MADD: variants seen among roughly 807,000 people sequenced by gnomAD.
MADD encodes the protein MAP kinase activating death domain, also known as MAP kinase-activating death domain protein.
In MADD, 109 loss-of-function variants were observed where a neutral mutation model predicts 176.7. The ratio of observed to expected loss-of-function variants is 0.62; its 90% confidence interval spans 0.53 to 0.72. The LOEUF (loss-of-function observed/expected upper bound fraction) is 0.72. Among genes scored for constraint, MADD ranks in the 30% least tolerant of loss-of-function variants. The pLI is 0.00. For synonymous variants in MADD, 771 were observed against 771.3 expected (o/e 1.00, Z 0.01); for missense variants, 1,914 against 2,045.5 (o/e 0.94, Z 1.24).
intron 30 of MADD, among the ~76,000 whole-genome samples, chr11:47,326,096 G>C (rs1181838920): frequency 6.6e-6 from 1 of 151,794 alleles, no homozygotes; most frequent in Non-Finnish European, 1.5e-5. Flanking sequence ...ACGTTCATGG[G>C]CAAAGAAACT....
intron 22 of MADD, among the ~76,000 whole-genome samples, chr11:47,297,207 GA>G (rs1170138021): frequency 6.6e-6 from 1 of 152,168 alleles, no homozygotes; most frequent in East Asian, 1.9e-4. Context: ...GGGGAGAAAG[GA>G]AGATAAAAGT....
chr11:47,275,022 C>G, exon 3 of MADD: 1 of 1,614,272 alleles, frequency 6.2e-7, no homozygotes, highest in Non-Finnish European at 8.5e-7. Flanking sequence ...ACAGTACTCT[C>G]ACGTCCCTGT....
chr11:47,292,098 T>G (rs1338779299), intron 19 of MADD, among the ~76,000 whole-genome samples: 1 of 152,188 alleles, frequency 6.6e-6, no homozygotes, highest in Non-Finnish European at 1.5e-5. Context: ...TCTGGCTGCT[T>G]GAGGTGTTCA....
intron 27 of MADD, among the ~76,000 whole-genome samples, chr11:47,320,316 C>T (rs1490478396): frequency 6.6e-6 from 1 of 151,452 alleles, no homozygotes; most frequent in Non-Finnish European, 1.5e-5. Context: ...ATTAGCCAGG[C>T]GAGGTGGTGG....
At chr11:47,278,397 A>C (rs902337587) in intron 6 of MADD, 119 bp downstream of exon 6, 15 of 739,254 alleles carry the variant, frequency 2.0e-5, no homozygotes, top group African/African-American at 3.5e-5. Context: ...GATAATTTCT[A>C]TTGCGAGACT....
chr11:47,324,752 C>T lies in MADD; in HGVS notation c.4542+175C>T, dbSNP rs189836870. ...CCAGGGGAGGGCACAGTGACGTTGG[C>T]GACCACCTGGCGCTGTGAAGGTGCA... On this transcript the variant is annotated intron_variant, in intron 30 of 32. Transcript: ENST00000402192. 2.9e-3 allele frequency: 2,048 copies of T among 706,308 alleles called. 7 individuals are homozygous for T. The highest frequency in any genetic ancestry group is 2.9e-3 in the Non-Finnish European group (1,144 of 388,578). 43.8% of individuals were successfully genotyped at this position (706,308 alleles called of 1,614,324 possible).
chr11:47,289,353 A>C, intron 15 of MADD, 38 bp from the exon 17 acceptor site: 1 of 1,517,022 alleles, frequency 6.6e-7, no homozygotes, highest in Non-Finnish European at 9.2e-7. Flanking sequence ...CCTGTACTAC[A>C]ATAGTGATGT....
chr11:47,312,127 G>A (rs977923020), intron 26 of MADD, among the ~76,000 whole-genome samples: 2 of 152,160 alleles, frequency 1.3e-5, no homozygotes, highest in Non-Finnish European at 2.9e-5. Context: ...TGCACTGATG[G>A]TACCAACGCA....
At chr11:47,281,713 A>G (rs1050060255) in exon 8 of MADD, 10 of 1,612,758 alleles carry the variant, frequency 6.2e-6, no homozygotes, top group South Asian at 1.1e-5. Context: ...CAACCCACTC[A>G]TCTATGGCAA....
chr11:47,319,562 C>T (rs2093976792), intron 27 of MADD, among the ~76,000 whole-genome samples: 1 of 152,172 alleles, frequency 6.6e-6, no homozygotes, highest in Admixed American at 6.5e-5. Context: ...CCTTTCAATC[C>T]TTTGTCCCAG....
chr11:47,289,807 AGGT>A, intron 16 of MADD, 57 bp from the exon 18 acceptor site: 3 of 1,578,056 alleles, frequency 1.9e-6, no homozygotes, highest in Non-Finnish European at 2.6e-6. Context: ...TCTGGGTGAA[AGGT>A]GGGGGGTGCT....
At chr11:47,300,135 T>G (rs2076481763) in intron 22 of MADD, among the ~76,000 whole-genome samples, 2 of 152,174 alleles carry the variant, frequency 1.3e-5, no homozygotes. Context: ...TGGTATTCGT[T>G]CTTCTTTAAA....
intron 26 of MADD, among the ~76,000 whole-genome samples, chr11:47,313,068 T>G (rs981505038): frequency 2.6e-5 from 4 of 152,214 alleles, no homozygotes; most frequent in African/African-American, 4.8e-5. Flanking sequence ...GTTAATCAAG[T>G]GAGCCTGTTG....
chr11:47,272,536 C>T lies in MADD; in HGVS notation c.-88-1291C>T, dbSNP rs147805947. Among the ~76,000 whole-genome samples, 155 of 152,042 alleles carry T rather than the reference C, an allele frequency of 1.0e-3. 4 individuals carry two copies. In the East Asian group the frequency reaches 0.028, roughly 27 times the overall value. ...GTGTGCATTGAACAAGGTCTTAGGC[C>T]GCATGTAGAGCACAGAGGTAGAATC... On this transcript the variant is annotated intron_variant, in intron 1 of 32. Coordinates refer to ENST00000402192, the Ensembl canonical transcript of MADD.
At position 47,282,605 on chromosome 11, in the gene MADD, G is replaced by A. The variant is rs780979814; in HGVS notation, c.1694G>A (p.Arg565Gln). 12 of 1,613,994 alleles carry A rather than the reference G, an allele frequency of 7.4e-6. 1 individual carries two copies. Among genetic ancestry groups the A allele is most frequent in the South Asian group, 3.3e-5 (3 of 91,076 alleles). Residue 565 changes from arginine to glutamine, a missense_variant, in exon 9 of 33, where the codon CGA becomes CAA. Arg to Gln is a conservative substitution (Grantham distance 43). Transcript: ENST00000402192. ...AACCCCACCAACTATGCCTTTCAGC[G>A]AATTCACAACAGTGAGTCTACCTGC... is the stretch of plus-strand genomic sequence containing the variant.
intron 27 of MADD, among the ~76,000 whole-genome samples, chr11:47,321,721 A>G (rs1487316212): frequency 2.0e-5 from 3 of 152,144 alleles, no homozygotes; most frequent in African/African-American, 7.2e-5. Context: ...GCAGTCAGGG[A>G]TATTTGAGCT....
chr11:47,299,672 G>A (rs949488321), intron 22 of MADD, among the ~76,000 whole-genome samples: 1 of 115,128 alleles, frequency 8.7e-6, no homozygotes, highest in Admixed American at 9.4e-5. Context: ...TGGGACTGTA[G>A]GCATGCACCA....
intron 25 of MADD, 51 bp downstream of exon 28, chr11:47,309,663 C>T (rs755606291): frequency 7.1e-7 from 1 of 1,415,532 alleles, no homozygotes; most frequent in South Asian, 1.2e-5. Context: ...AGGGGCAAGG[C>T]TTGTTCCTGT....
chr11:47,284,811 A>G, intron 12 of MADD, 130 bp from the exon 13 acceptor site: 6 of 1,360,726 alleles, frequency 4.4e-6, no homozygotes, highest in Non-Finnish European at 6.1e-6. Context: ...AACGGGTGCT[A>G]CAGAGATCAT....
Sources: allele counts gnomAD v4.1 joint callset (sites outside exome capture counted in the v4.1 genomes callset), GRCh38; gene constraint gnomAD v4.1.1; transcripts MANE v1.5; gene names NCBI Gene and HGNC (gene_info 2026-07-23, HGNC 2026-07-21).